Variants in PCDH9 observed in about 807,000 individuals in gnomAD.
PCDH9 encodes the protein protocadherin 9.
A neutral mutation model predicts 70.6 loss-of-function variants in PCDH9; 24 were observed. The ratio of observed to expected loss-of-function variants is 0.34; its 90% CI spans 0.25 to 0.48. PCDH9 has a LOEUF of 0.48. PCDH9 is among the 20% of genes least tolerant of loss of function. The probability of loss-of-function intolerance (pLI) is 0.99; values close to 1 mark genes in which losing one functional copy is unlikely to be tolerated. For missense variants in PCDH9, 1,281 were observed against 1,503.6 expected, an observed-to-expected ratio of 0.85 and a Z score of 2.45; for synonymous variants, 562 against 558.5, an observed-to-expected ratio of 1.01 and a Z score of -0.09.
Position 66,548,133 on chromosome 13 carries a change from T to G in PCDH9, c.3340+83077A>C, listed in dbSNP as rs369478789. 1.4e-4 allele frequency among the ~76,000 whole-genome samples: 22 copies of G among 151,990 alleles called. No homozygotes were observed. The East Asian group carries it at 3.3e-3, about 23-fold the overall frequency. On this transcript the variant is annotated intron_variant, in intron 4 of 4. Coordinates refer to ENST00000377865, the MANE Select transcript of PCDH9 (RefSeq NM_203487.3). The stretch of plus-strand genomic sequence containing the variant: ...GTTGTGGTATGCCAAAACTTAACAC[T>G]GAAGTCTTCTGGAATCGACATTTTA...
At chr13:66,727,439 C>T (rs891335381) in intron 3 of PCDH9, among the ~76,000 whole-genome samples, 27 of 151,882 alleles carry the variant, frequency 1.8e-4, no homozygotes, top group Admixed American at 4.6e-4. Flanking sequence ...TCTATGCTTT[C>T]TTTTTCAAAA....
At chr13:66,469,214 T>G (rs1236983275) in intron 4 of PCDH9, among the ~76,000 whole-genome samples, 1 of 152,092 alleles carries the variant, frequency 6.6e-6, no homozygotes, top group Non-Finnish European at 1.5e-5. Context: ...AGATATGCAG[T>G]TAGAGTTGAC....
At chr13:67,113,830 G>A (rs1365084245) in intron 2 of PCDH9, among the ~76,000 whole-genome samples, 1 of 152,042 alleles carries the variant, frequency 6.6e-6, no homozygotes, top group Non-Finnish European at 1.5e-5. Flanking sequence ...TACAGGAACC[G>A]CCAAAACTTT....
intron 4 of PCDH9, among the ~76,000 whole-genome samples, chr13:66,538,212 G>A (rs1459444370): frequency 6.6e-6 from 1 of 152,062 alleles, no homozygotes; most frequent in African/African-American, 2.4e-5. Context: ...GAAAGATGAT[G>A]CGGTAACAAT....
intron 2 of PCDH9, among the ~76,000 whole-genome samples, chr13:67,097,091 CAA>C (rs11454471): frequency 7.0e-6 from 1 of 142,260 alleles, no homozygotes; most frequent in Non-Finnish European, 1.5e-5. Context: ...ACAGAAAATA[CAA>C]AAAAAAAAAA....
At chr13:67,038,869 G>GT (rs967632772) in intron 2 of PCDH9, among the ~76,000 whole-genome samples, 2 of 152,066 alleles carry the variant, frequency 1.3e-5, no homozygotes, top group East Asian at 3.9e-4. Flanking sequence ...TAATAGAAGA[G>GT]TTTTTTGTTC....
chr13:66,503,866 A>G (rs1959189885), intron 4 of PCDH9, among the ~76,000 whole-genome samples: 1 of 152,174 alleles, frequency 6.6e-6, no homozygotes, highest in Non-Finnish European at 1.5e-5. Flanking sequence ...TTTCATGAAT[A>G]TATATAAGAT....
intron 4 of PCDH9, among the ~76,000 whole-genome samples, chr13:66,494,251 A>T (rs1959079798): frequency 6.6e-6 from 1 of 152,158 alleles, no homozygotes; most frequent in Non-Finnish European, 1.5e-5. Context: ...TTAAGATGGC[A>T]AAACTTCAGA....
intron 4 of PCDH9, among the ~76,000 whole-genome samples, chr13:66,355,695 C>T (rs1258642761): frequency 2.0e-5 from 3 of 152,042 alleles, no homozygotes; most frequent in Non-Finnish European, 4.4e-5. Context: ...AACAGAAACA[C>T]ACATAAAACA....
intron 3 of PCDH9, among the ~76,000 whole-genome samples, chr13:66,804,299 A>G (rs957560397): frequency 6.6e-6 from 1 of 152,184 alleles, no homozygotes; most frequent in Non-Finnish European, 1.5e-5. Context: ...ACCAATAATT[A>G]GATCATAAGA....
At chr13:66,457,198 T>G (rs1021708168) in intron 4 of PCDH9, among the ~76,000 whole-genome samples, 1 of 152,106 alleles carries the variant, frequency 6.6e-6, no homozygotes, top group Non-Finnish European at 1.5e-5. Context: ...AAACTTTATA[T>G]GGATTATGGC....
chr13:66,535,047 T>G, intron 4 of PCDH9, among the ~76,000 whole-genome samples: 1 of 152,126 alleles, frequency 6.6e-6, no homozygotes, highest in East Asian at 1.9e-4. Flanking sequence ...TTGATCCAAA[T>G]CTGCTTGATT....
At chr13:67,074,098 T>C (rs191539502) in intron 2 of PCDH9, among the ~76,000 whole-genome samples, 1 of 151,518 alleles carries the variant, frequency 6.6e-6, no homozygotes, top group East Asian at 1.9e-4. Context: ...TGTCTGTCTA[T>C]TATCTATCTA....
Position 66,482,124 on chromosome 13 carries a change from C to T in PCDH9, c.3340+149086G>A, listed in dbSNP as rs61957641. Among the ~76,000 whole-genome samples the T allele has an allele frequency of 6.8e-3, 1,042 of 152,282 alleles. 6 individuals carry two copies. Among genetic ancestry groups the T allele is most frequent in the Non-Finnish European group, 0.01 (685 of 68,030 alleles). The stretch of plus-strand genomic sequence containing the variant: ...GTGGGATGGTCTCAGGCACATGTAA[C>T]AGTAACAATAGAATTGTAACTGTAG... On this transcript the variant is annotated intron_variant, in intron 4 of 4. Coordinates refer to ENST00000377865, the MANE Select transcript of PCDH9 (RefSeq NM_203487.3).
intron 3 of PCDH9, among the ~76,000 whole-genome samples, chr13:66,776,621 T>A (rs965485286): frequency 4.3e-4 from 65 of 152,134 alleles, no homozygotes; most frequent in South Asian, 2.3e-3. Context: ...TGCTCAATGA[T>A]ATAAAAGAGG....
chr13:66,840,643 C>T (rs1164060347), intron 3 of PCDH9, among the ~76,000 whole-genome samples: 1 of 152,190 alleles, frequency 6.6e-6, no homozygotes, highest in Non-Finnish European at 1.5e-5. Context: ...AAAACCTAAA[C>T]TGTTGAGAGA....
At chr13:67,093,792 T>C (rs2086266515) in intron 2 of PCDH9, among the ~76,000 whole-genome samples, 1 of 152,152 alleles carries the variant, frequency 6.6e-6, no homozygotes, top group East Asian at 1.9e-4. Context: ...GTTACAGGAA[T>C]GGTGGTGCAA....
At chr13:66,915,190 T>C (rs2082537492) in intron 2 of PCDH9, among the ~76,000 whole-genome samples, 1 of 151,652 alleles carries the variant, frequency 6.6e-6, no homozygotes, top group African/African-American at 2.4e-5. Flanking sequence ...ATGAAAATAA[T>C]AAATAATTCA....
At chr13:67,015,114 G>A (rs1187052338) in intron 2 of PCDH9, among the ~76,000 whole-genome samples, 2 of 152,008 alleles carry the variant, frequency 1.3e-5, no homozygotes, top group African/African-American at 4.8e-5. Context: ...GGAGATTATT[G>A]ACTCCTGGCT....
Sources: allele counts gnomAD v4.1 joint callset (sites outside exome capture counted in the v4.1 genomes callset), GRCh38; gene constraint gnomAD v4.1.1; transcripts MANE v1.5; gene names NCBI Gene and HGNC (gene_info 2026-07-23, HGNC 2026-07-21).